The following TBC1D22A variants were observed in gnomAD, a reference collection of about 807,000 sequenced individuals.
TBC1D22A encodes the protein putative GTPase activator.
A neutral mutation model predicts 60.2 loss-of-function variants in TBC1D22A; 38 were observed. That is an observed-to-expected ratio of 0.63 (90% CI 0.49 to 0.83). The LOEUF is 0.83. TBC1D22A is among the 40% of genes least tolerant of loss of function. The pLI, the probability that TBC1D22A is intolerant of heterozygous loss-of-function variation, is 0.00. For synonymous variants in TBC1D22A, 302 were observed against 281.7 expected (o/e 1.07, Z -0.72); for missense variants, 628 against 701.0 (o/e 0.90, Z 1.18).
chr22:47,067,762 GCACA>G (rs146001827), intron 11 of TBC1D22A, among the ~76,000 whole-genome samples: 6 of 152,140 alleles, frequency 3.9e-5, no homozygotes, highest in African/African-American at 9.7e-5. Flanking sequence ...GAGTGTGCGT[GCACA>G]CACACACACT....
chr22:47,165,376 G>A (rs550539694), intron 12 of TBC1D22A, among the ~76,000 whole-genome samples: 1 of 152,074 alleles, frequency 6.6e-6, no homozygotes, highest in African/African-American at 2.4e-5. Flanking sequence ...ACAACAGGGC[G>A]AGTTTCTGGA....
intron 4 of TBC1D22A, among the ~76,000 whole-genome samples, chr22:46,800,073 C>T (rs547646572): frequency 2.0e-5 from 3 of 152,286 alleles, no homozygotes; most frequent in African/African-American, 4.8e-5. Flanking sequence ...TTTCCCATGG[C>T]GTACGTGGAG....
rs540941065 is a variant in TBC1D22A, at chr22:46,791,795, C to T, written c.63-725C>T. 3.9e-5 allele frequency among the ~76,000 whole-genome samples: 6 copies of T among 152,346 alleles called. No individual in the cohort carries two copies. The East Asian group carries it at 1.2e-3, about 29-fold the overall frequency. ...TTTCTTTTTGAGATGGAGTCTTGCTCTGTCACCCAGGCTGCAGTGCAGTGG... is the reference window on the plus strand; with the variant it reads ...TTTCTTTTTGAGATGGAGTCTTGCTTTGTCACCCAGGCTGCAGTGCAGTGG... On this transcript the variant is annotated intron_variant, in intron 1 of 12. Transcript: ENST00000337137.
chr22:46,832,270 G>A (rs2086343371), intron 4 of TBC1D22A, among the ~76,000 whole-genome samples: 1 of 152,244 alleles, frequency 6.6e-6, no homozygotes, highest in South Asian at 2.1e-4. Flanking sequence ...AAGTCACGTT[G>A]TCTCTCTTTA....
intron 11 of TBC1D22A, among the ~76,000 whole-genome samples, chr22:47,064,996 T>A (rs1248152304): frequency 6.6e-6 from 1 of 152,140 alleles, no homozygotes; most frequent in Non-Finnish European, 1.5e-5. Flanking sequence ...TATTTATTTA[T>A]TTTTTGAGAC....
chr22:47,123,641 C>T (rs192475091), intron 12 of TBC1D22A, among the ~76,000 whole-genome samples: 97 of 152,304 alleles, frequency 6.4e-4, no homozygotes, highest in African/African-American at 2.3e-3. Context: ...AGGCTAATGG[C>T]TTCATGCAGG....
At chr22:46,888,089 C>G (rs373978702) in intron 5 of TBC1D22A, among the ~76,000 whole-genome samples, 17 of 152,214 alleles carry the variant, frequency 1.1e-4, no homozygotes, top group Admixed American at 2.6e-4. Flanking sequence ...GGGTGGCCGC[C>G]GCAACTCCAC....
chr22:46,844,131 G>A (rs77312838), intron 4 of TBC1D22A, among the ~76,000 whole-genome samples: 203 of 150,648 alleles, frequency 1.3e-3, no homozygotes, highest in African/African-American at 4.8e-3. Context: ...CATGCTAGAT[G>A]CTGGGCGTGG....
chr22:47,162,707 T>G (rs1480419741), intron 12 of TBC1D22A, among the ~76,000 whole-genome samples: 1 of 115,240 alleles, frequency 8.7e-6, no homozygotes, highest in Non-Finnish European at 1.7e-5. Context: ...GCGGACCCGG[T>G]GCAGGGAGAG....
At chr22:47,110,090 TCTC>T (rs1247802188) in intron 11 of TBC1D22A, among the ~76,000 whole-genome samples, 15 of 152,200 alleles carry the variant, frequency 9.9e-5, no homozygotes, top group Non-Finnish European at 1.9e-4. Flanking sequence ...GCTGTGCTGG[TCTC>T]CTCGCTTTTG....
intron 4 of TBC1D22A, among the ~76,000 whole-genome samples, chr22:46,807,538 G>A (rs1601946604): frequency 6.6e-6 from 1 of 152,142 alleles, no homozygotes; most frequent in South Asian, 2.1e-4. Context: ...GCACTACTTG[G>A]CACTGTACCT....
At position 47,048,768 on chromosome 22, in the gene TBC1D22A, G is replaced by T. The variant is rs9615124; in HGVS notation, c.1329+11570G>T. Reference sequence around the variant, plus strand: ...GGCTGACTTACTGTTGCCCAGCTCTGGGGGGAGGTGGGGCACCTGCCGCAC... The same window carrying T: ...GGCTGACTTACTGTTGCCCAGCTCTTGGGGGAGGTGGGGCACCTGCCGCAC... On this transcript the variant is annotated intron_variant, in intron 11 of 12. Transcript: ENST00000337137. Among the ~76,000 whole-genome samples, 90 of 151,818 alleles carry T rather than the reference G, an allele frequency of 5.9e-4. 1 individual carries two copies. Among genetic ancestry groups the T allele is most frequent in the Admixed American group, 3.8e-3 (58 of 15,274 alleles).
chr22:47,026,356 C>T (rs894612969), intron 10 of TBC1D22A, among the ~76,000 whole-genome samples: 1 of 152,108 alleles, frequency 6.6e-6, no homozygotes, highest in Non-Finnish European at 1.5e-5. Context: ...CACTTCTGTC[C>T]GGTGTGTATA....
At chr22:46,973,826 TG>T (rs1431120539) in intron 8 of TBC1D22A, among the ~76,000 whole-genome samples, 1 of 152,246 alleles carries the variant, frequency 6.6e-6, no homozygotes, top group African/African-American at 2.4e-5. Context: ...TCTGGGGTTT[TG>T]ATCATAGCAT....
intron 11 of TBC1D22A, among the ~76,000 whole-genome samples, chr22:47,076,469 GAAC>G (rs1226926029): frequency 9.3e-5 from 14 of 150,198 alleles, no homozygotes; most frequent in African/African-American, 3.4e-4. Flanking sequence ...AATACAAAGA[GAAC>G]AACAATACCA....
intron 4 of TBC1D22A, among the ~76,000 whole-genome samples, chr22:46,807,301 G>A (rs1022601764): frequency 4.6e-5 from 7 of 152,178 alleles, no homozygotes; most frequent in Non-Finnish European, 8.8e-5. Flanking sequence ...TAGTGATGGC[G>A]ATGATAACTG....
intron 9 of TBC1D22A, among the ~76,000 whole-genome samples, chr22:46,997,117 T>TG (rs1569317284): frequency 6.6e-6 from 1 of 152,220 alleles, no homozygotes; most frequent in African/African-American, 2.4e-5. Flanking sequence ...CACCCAACTA[T>TG]ATCTCTGAGA....
chr22:47,024,471 G>A (rs919970059), intron 10 of TBC1D22A, among the ~76,000 whole-genome samples: 4 of 152,120 alleles, frequency 2.6e-5, no homozygotes, highest in Admixed American at 6.5e-5. Context: ...TTCACTCGAG[G>A]GTTCTTTGGG....
At chr22:47,020,557 C>T (rs1334314157) in intron 10 of TBC1D22A, among the ~76,000 whole-genome samples, 1 of 146,574 alleles carries the variant, frequency 6.8e-6, no homozygotes, top group East Asian at 1.9e-4. Context: ...CCAGAGCTTT[C>T]TTGTTCCTCT....
Sources: allele counts gnomAD v4.1 joint callset (sites outside exome capture counted in the v4.1 genomes callset), GRCh38; gene constraint gnomAD v4.1.1; transcripts MANE v1.5; gene names NCBI Gene and HGNC (gene_info 2026-07-23, HGNC 2026-07-21).